MYH13: variants seen among roughly 807,000 people sequenced by gnomAD.
MYH13 encodes the protein myosin heavy chain 13.
Under a neutral mutation model 232.1 loss-of-function variants are expected in MYH13, and 177 were observed. That is an observed-to-expected ratio of 0.76 (90% CI 0.67 to 0.86). The LOEUF (loss-of-function observed/expected upper bound fraction) is 0.86, where lower values mean the gene tolerates loss of function less well. Among genes scored for constraint, MYH13 ranks in the 40% least tolerant of loss-of-function variants. The pLI, the probability that MYH13 is intolerant of heterozygous loss-of-function variation, is 0.00. For synonymous variants in MYH13, 884 were observed against 923.5 expected (o/e 0.96, Z 0.78); for missense variants, 2,246 against 2,405.9 (o/e 0.93, Z 1.39).
rs1246023600 is a variant in MYH13, at chr17:10,310,159, C to T, written c.4657-329G>A. ...AGGCTGGAGTGCAGTGGCACAATCT[C>T]GGCTCAATGCAACCTCCACCCCCTG... is the stretch of plus-strand genomic sequence containing the variant. On this transcript the variant is annotated intron_variant, in intron 33 of 40. Coordinates refer to ENST00000252172, the MANE Select transcript of MYH13 (RefSeq NM_003802.3). 5.3e-5 allele frequency among the ~76,000 whole-genome samples: 8 copies of T among 149,618 alleles called. No homozygotes were observed. The South Asian group carries it at 8.5e-4, about 16-fold the overall frequency.
chr17:10,319,840 A>G (rs1906868077), intron 26 of MYH13, among the ~76,000 whole-genome samples: 1 of 152,226 alleles, frequency 6.6e-6, no homozygotes, highest in African/African-American at 2.4e-5. Flanking sequence ...AGAAAGATGC[A>G]CATCCCAGTG....
At chr17:10,319,705 A>G (rs16943303) in intron 26 of MYH13, among the ~76,000 whole-genome samples, 20,345 of 152,106 alleles carry the variant, frequency 0.13, 1,654 homozygotes, top group East Asian at 0.32. Context: ...AAAGGAGCAA[A>G]TTGCAGAGTG....
intron 21 of MYH13, among the ~76,000 whole-genome samples, 162 bp from the exon 22 acceptor site, chr17:10,328,283 T>C (rs1289197220): frequency 6.6e-6 from 1 of 152,026 alleles, no homozygotes; most frequent in Non-Finnish European, 1.5e-5. Context: ...GGTCTGCAAA[T>C]GAGGGGCAGA....
chr17:10,356,635 C>T (rs1196947744), intron 8 of MYH13, among the ~76,000 whole-genome samples: 3 of 152,214 alleles, frequency 2.0e-5, no homozygotes, highest in Admixed American at 6.5e-5. Context: ...TCCAAGGAAA[C>T]AAAAGTCAAG....
chr17:10,365,243 G>A (rs1414666761), intron 2 of MYH13, among the ~76,000 whole-genome samples: 3 of 152,176 alleles, frequency 2.0e-5, no homozygotes, highest in African/African-American at 7.2e-5. Flanking sequence ...AAAATCTTAA[G>A]AATATTTGAA....
rs377339754 is a variant in MYH13 at position 10,321,694 on chromosome 17, G to A, written c.2949C>T (p.Ser983=). 4.9e-4 allele frequency: 783 copies of A among 1,612,204 alleles called. 16 individuals are homozygous for A. In the South Asian group the frequency reaches 6.9e-3, roughly 14 times the overall value. Residue 983 remains serine, a synonymous_variant, in exon 24 of 41, where the codon TCC becomes TCT. Coordinates refer to ENST00000252172, the MANE Select transcript of MYH13 (RefSeq NM_003802.3). ...HATENKVKNL[S]EEMTALEENI... ...TTTCTTCAAGTGCTGTCATTTCTTCGGAAAGATTCTTTACCTGGGACAATA... is the reference window on the plus strand; with the variant it reads ...TTTCTTCAAGTGCTGTCATTTCTTCAGAAAGATTCTTTACCTGGGACAATA...
chr17:10,347,326 T>C (rs1428302290), intron 12 of MYH13, among the ~76,000 whole-genome samples: 3 of 152,064 alleles, frequency 2.0e-5, no homozygotes, highest in South Asian at 4.1e-4. Context: ...GATCGTGCCA[T>C]TGAACTCCAG....
chr17:10,358,418 G>A (rs1294061371), intron 7 of MYH13, among the ~76,000 whole-genome samples: 1 of 152,084 alleles, frequency 6.6e-6, no homozygotes, highest in African/African-American at 2.4e-5. Flanking sequence ...AAACCTAGTG[G>A]TTCTCAAAGT....
At chr17:10,327,578 C>CAT (rs1340133441) in intron 22 of MYH13, among the ~76,000 whole-genome samples, 1 of 152,080 alleles carries the variant, frequency 6.6e-6, no homozygotes, top group African/African-American at 2.4e-5. Flanking sequence ...ACATATGACA[C>CAT]ATATATATCC....
chr17:10,301,825 G>A, intron 39 of MYH13, 122 bp from the exon 40 acceptor site: 1 of 1,325,994 alleles, frequency 7.5e-7, no homozygotes, highest in East Asian at 2.5e-5. Flanking sequence ...TGATGGCAGA[G>A]AGGGCAGGGA....
At chr17:10,332,473 G>A (rs9909522) in intron 19 of MYH13, among the ~76,000 whole-genome samples, 29,143 of 152,098 alleles carry the variant, frequency 0.19, 3,155 homozygotes, top group East Asian at 0.51. Context: ...ATGGCGGGAA[G>A]TTTGCTTTCA....
chr17:10,324,664 T>C (rs891355062), intron 22 of MYH13, among the ~76,000 whole-genome samples: 1 of 150,266 alleles, frequency 6.7e-6, no homozygotes, highest in African/African-American at 2.5e-5. Flanking sequence ...CAGGCTGGTC[T>C]CCAAACGCCT....
rs184248943 is a variant in MYH13, at chr17:10,307,610, A to G, written c.5170-546T>C. 2.8e-4 allele frequency among the ~76,000 whole-genome samples: 43 copies of G among 152,340 alleles called. 1 individual carries two copies. In the East Asian group the frequency reaches 7.7e-3, roughly 27 times the overall value. ...AAATGTTCCACCTCATTAGCAATAAAAAAAATACTAAAAACTCAGTGAGGT... is the reference window on the plus strand; with the variant it reads ...AAATGTTCCACCTCATTAGCAATAAGAAAAATACTAAAAACTCAGTGAGGT... On this transcript the variant is annotated intron_variant, in intron 35 of 40. Coordinates refer to ENST00000252172, the MANE Select transcript of MYH13 (RefSeq NM_003802.3).
rs1403277005 is a variant in MYH13, at chr17:10,327,749, GACCACTGGGTGGC to G, written c.2691+104_2691+116del. ...AAGGTGGTGCTGCAATACTCCACAT[GACCACTGGGTGGC>G]ACCACTGTCTCTCGAATAGACACCT... On this transcript the variant is annotated intron_variant, in intron 22 of 40. Coordinates refer to ENST00000252172, the MANE Select transcript of MYH13 (RefSeq NM_003802.3). 3 of 1,313,450 alleles carry G rather than the reference GACCACTGGGTGGC, an allele frequency of 2.3e-6. No individual in the cohort carries two copies. In the African/African-American group the frequency reaches 4.5e-5, roughly 20 times the overall value. The allele number at this position is 1,313,450 out of a possible 1,614,324, so 81.4% of individuals were successfully genotyped here. A position where few individuals can be genotyped will look rare whatever the true frequency, so the allele number is the denominator to read the frequency against.
intron 23 of MYH13, among the ~76,000 whole-genome samples, 167 bp downstream of exon 23, chr17:10,323,855 C>A (rs983599779): frequency 6.8e-6 from 1 of 147,378 alleles, no homozygotes; most frequent in Non-Finnish European, 1.5e-5. Context: ...GAAAAGACAC[C>A]AGAGGACAGA....
chr17:10,344,682 G>C (rs796929343), intron 15 of MYH13, among the ~76,000 whole-genome samples: 11 of 151,718 alleles, frequency 7.3e-5, no homozygotes, highest in Non-Finnish European at 1.5e-4. Flanking sequence ...TTATCTGGGC[G>C]TGGTGGCGGG....
chr17:10,345,758 G>T, intron 13 of MYH13, 142 bp from the exon 14 acceptor site: 2 of 1,394,870 alleles, frequency 1.4e-6, no homozygotes, highest in Non-Finnish European at 2.0e-6. Context: ...ACTTTGGGAG[G>T]CCAAGGCGGG....
chr17:10,352,344 C>G (rs1011444939), intron 11 of MYH13, among the ~76,000 whole-genome samples: 7 of 152,090 alleles, frequency 4.6e-5, no homozygotes, highest in African/African-American at 1.7e-4. Flanking sequence ...GTAATCCCAG[C>G]ACTTTGGAAG....
chr17:10,357,924 G>T, intron 7 of MYH13, 97 bp from the exon 8 acceptor site: 1 of 1,074,202 alleles, frequency 9.3e-7, no homozygotes, highest in Non-Finnish European at 1.4e-6. Flanking sequence ...GCAGGTTCAG[G>T]TAGAGATGTC....
Sources: gnomAD v4.1 joint callset for allele counts (sites outside exome capture counted in the v4.1 genomes callset) on GRCh38, gnomAD v4.1.1 for gene constraint, MANE v1.5 for transcripts, NCBI Gene and HGNC (gene_info 2026-07-23, HGNC 2026-07-21) for gene names.